SUMF1: variants seen among roughly 807,000 people sequenced by gnomAD.
SUMF1 encodes the protein formylglycine-generating enzyme.
Under a neutral mutation model 47.6 loss-of-function variants are expected in SUMF1, and 48 were observed. The ratio of observed to expected loss-of-function variants is 1.01; its 90% confidence interval spans 0.80 to 1.28. The LOEUF (loss-of-function observed/expected upper bound fraction) is 1.28. SUMF1 is among the 50% of genes most tolerant of loss of function. The pLI, the probability that SUMF1 is intolerant of heterozygous loss-of-function variation, is 0.00. For missense variants in SUMF1, 571 were observed against 485.4 expected, an observed-to-expected ratio of 1.18 and a Z score of -1.66; for synonymous variants, 230 against 192.1, an observed-to-expected ratio of 1.20 and a Z score of -1.63.
intron 8 of SUMF1, chr3:4,068,776 A>G: frequency 3.0e-6 from 1 of 332,776 alleles, no homozygotes; most frequent in Middle Eastern, 3.9e-4. Flanking sequence ...AAGAAGAAGA[A>G]ATAATAATAA....
At chr3:4,067,096 T>A (rs778838703) in intron 9 of SUMF1, among the ~76,000 whole-genome samples, 12 of 152,116 alleles carry the variant, frequency 7.9e-5, no homozygotes, top group African/African-American at 2.9e-4. Context: ...TCCAGCTACA[T>A]AAGGAGCTCA....
chr3:4,279,195 G>C (rs1370727669), intron 8 of SUMF1, among the ~76,000 whole-genome samples: 2 of 152,078 alleles, frequency 1.3e-5, no homozygotes, highest in Admixed American at 6.6e-5. Flanking sequence ...CAGATTATTA[G>C]TATTACACTG....
intron 8 of SUMF1, among the ~76,000 whole-genome samples, chr3:4,208,569 C>T (rs1323237310): frequency 6.6e-6 from 1 of 150,762 alleles, no homozygotes; most frequent in African/African-American, 2.4e-5. Flanking sequence ...TTTTTAACTG[C>T]AATTAATATG....
chr3:4,146,393 TAG>T (rs1273140337), intron 8 of SUMF1, among the ~76,000 whole-genome samples: 2 of 137,016 alleles, frequency 1.5e-5, no homozygotes, highest in African/African-American at 2.8e-5. Context: ...GAGCCTCCAG[TAG>T]AGAGAGGCGA....
At chr3:4,060,781 G>A (rs937185606) in intron 9 of SUMF1, among the ~76,000 whole-genome samples, 1 of 152,240 alleles carries the variant, frequency 6.6e-6, no homozygotes, top group East Asian at 1.9e-4. Context: ...CTTCCTCCTA[G>A]GGTTATGATG....
At chr3:4,093,296 T>C (rs1454665686) in intron 8 of SUMF1, among the ~76,000 whole-genome samples, 6 of 152,148 alleles carry the variant, frequency 3.9e-5, no homozygotes, top group African/African-American at 1.4e-4. Context: ...GTAGATAACT[T>C]GTTATATGTC....
chr3:4,452,051 A>G (rs1702991292), intron 2 of SUMF1, among the ~76,000 whole-genome samples: 1 of 152,190 alleles, frequency 6.6e-6, no homozygotes, highest in Admixed American at 6.5e-5. Flanking sequence ...GCAAAACCAA[A>G]TCTGAAAGTT....
chr3:4,316,995 T>C, intron 8 of SUMF1: 1 of 1,549,350 alleles, frequency 6.5e-7, no homozygotes, highest in Non-Finnish European at 8.7e-7. Flanking sequence ...ACTTCAAAAG[T>C]TGAATGAATT....
chr3:4,117,533 C>T, intron 8 of SUMF1, among the ~76,000 whole-genome samples: 1 of 151,998 alleles, frequency 6.6e-6, no homozygotes, highest in East Asian at 1.9e-4. Flanking sequence ...AAATAGGTGG[C>T]TTCGTAAGAC....
At chr3:4,213,415 C>G (rs948745335) in intron 8 of SUMF1, among the ~76,000 whole-genome samples, 2 of 152,110 alleles carry the variant, frequency 1.3e-5, no homozygotes, top group South Asian at 4.1e-4. Context: ...AAAGGAAGCA[C>G]TAAACATGGA....
intron 7 of SUMF1, among the ~76,000 whole-genome samples, chr3:4,387,147 A>G (rs1158052048): frequency 1.3e-5 from 2 of 152,050 alleles, no homozygotes; most frequent in Non-Finnish European, 2.9e-5. Flanking sequence ...TTCATTTTCT[A>G]AAACAAATTG....
rs182861642 is a variant in SUMF1, at chr3:4,108,323, G to A, written c.1015-39578C>T. Among the ~76,000 whole-genome samples, 4 of 152,256 alleles carry A rather than the reference G, an allele frequency of 2.6e-5. No individual in the cohort carries two copies. In the East Asian group the frequency reaches 7.7e-4, roughly 29 times the overall value. On this transcript the variant is annotated intron_variant and NMD_transcript_variant, in intron 8 of 12. Coordinates refer to the SUMF1 transcript ENST00000448413. ...TAATTTCTGTTCTTTTACATTTGCT[G>A]AGGAGTGCTTTACTTCCAACTAAGT...
chr3:4,219,024 C>G (rs758300311), intron 8 of SUMF1, among the ~76,000 whole-genome samples: 1 of 152,116 alleles, frequency 6.6e-6, no homozygotes, highest in South Asian at 2.1e-4. Context: ...ATTCCGTAAG[C>G]TGCTGTATGA....
chr3:4,062,646 A>G (rs1183113694), intron 9 of SUMF1, among the ~76,000 whole-genome samples: 1 of 152,158 alleles, frequency 6.6e-6, no homozygotes, highest in East Asian at 1.9e-4. Flanking sequence ...TTCCTTGGGA[A>G]TATTTATGAA....
intron 8 of SUMF1, among the ~76,000 whole-genome samples, chr3:4,209,256 T>C (rs1695722301): frequency 6.6e-6 from 1 of 152,172 alleles, no homozygotes; most frequent in Admixed American, 6.6e-5. Context: ...ACTATAAAGA[T>C]TTTTAAAATC....
intron 8 of SUMF1, among the ~76,000 whole-genome samples, chr3:4,334,612 C>T (rs1302803067): frequency 6.6e-6 from 1 of 152,156 alleles, no homozygotes; most frequent in African/African-American, 2.4e-5. Flanking sequence ...AAAAGCTTCC[C>T]AAGGAAAGGG....
At chr3:4,095,170 T>A (rs141627639) in intron 8 of SUMF1, among the ~76,000 whole-genome samples, 22 of 152,210 alleles carry the variant, frequency 1.4e-4, no homozygotes, top group Admixed American at 3.9e-4. Context: ...AAAGGAATAA[T>A]GAAATTTTTA....
At chr3:4,385,514 G>A (rs1269592541) in intron 7 of SUMF1, among the ~76,000 whole-genome samples, 1 of 151,946 alleles carries the variant, frequency 6.6e-6, no homozygotes, top group African/African-American at 2.4e-5. Flanking sequence ...TTTATGTATT[G>A]TAAATATATG....
intron 8 of SUMF1, among the ~76,000 whole-genome samples, chr3:4,164,627 G>A (rs1694657551): frequency 6.6e-6 from 1 of 152,156 alleles, no homozygotes; most frequent in African/African-American, 2.4e-5. Flanking sequence ...ACCAAGGTTT[G>A]TTTGTCTGAG....
Sources: gnomAD v4.1 joint callset for allele counts (sites outside exome capture counted in the v4.1 genomes callset) on GRCh38, gnomAD v4.1.1 for gene constraint, MANE v1.5 for transcripts, NCBI Gene and HGNC (gene_info 2026-07-23, HGNC 2026-07-21) for gene names.